Variants in CYB5R4 observed in about 807,000 individuals in gnomAD.
CYB5R4 encodes cytochrome b5 reductase 4.
Under a neutral mutation model 70.2 loss-of-function variants are expected in CYB5R4, and 55 were observed. That is an observed-to-expected ratio of 0.78 (90% CI 0.63 to 0.98). The LOEUF (loss-of-function observed/expected upper bound fraction) is 0.98. Among genes scored for constraint, CYB5R4 ranks in the 50% least tolerant of loss-of-function variants. The probability of loss-of-function intolerance (pLI) is 0.00; values close to 1 mark genes in which losing one functional copy is unlikely to be tolerated. For synonymous variants in CYB5R4, 197 were observed against 199.5 expected, an observed-to-expected ratio of 0.99 and a Z score of 0.11; for missense variants, 562 against 612.6, an observed-to-expected ratio of 0.92 and a Z score of 0.87.
intron 3 of CYB5R4, among the ~76,000 whole-genome samples, chr6:83,903,356 C>A (rs1033894862): frequency 2.0e-5 from 3 of 152,072 alleles, no homozygotes; most frequent in African/African-American, 7.2e-5. Flanking sequence ...ATCCCTGACT[C>A]CTTGGGATAA....
chr6:83,904,510 C>T (rs1014412135), intron 3 of CYB5R4, among the ~76,000 whole-genome samples: 2 of 152,118 alleles, frequency 1.3e-5, no homozygotes, highest in Admixed American at 6.5e-5. Flanking sequence ...ATTCTGCAAT[C>T]GTTGGATAAA....
intron 4 of CYB5R4, chr6:83,910,223 C>T: frequency 3.1e-6 from 4 of 1,299,372 alleles, no homozygotes; most frequent in South Asian, 1.4e-5. Context: ...GGAAGTTCAA[C>T]TTTTGTAAAG....
chr6:83,946,248 G>A (rs1311312532), intron 14 of CYB5R4, among the ~76,000 whole-genome samples: 1 of 152,140 alleles, frequency 6.6e-6, no homozygotes, highest in Non-Finnish European at 1.5e-5. Context: ...CTTTATCCCT[G>A]GGATGCAAGG....
chr6:83,872,920 G>A (rs1450128456), intron 2 of CYB5R4, among the ~76,000 whole-genome samples: 1 of 152,168 alleles, frequency 6.6e-6, no homozygotes, highest in East Asian at 1.9e-4. Context: ...AGAAGGGATT[G>A]GATGCTAGGG....
chr6:83,941,256 A>T (rs926888745), intron 14 of CYB5R4, among the ~76,000 whole-genome samples: 1 of 152,226 alleles, frequency 6.6e-6, no homozygotes, highest in Non-Finnish European at 1.5e-5. Flanking sequence ...AGCTCAGCCC[A>T]GTAAACTAAA....
At chr6:83,885,855 A>G (rs2099460175) in intron 2 of CYB5R4, among the ~76,000 whole-genome samples, 1 of 152,064 alleles carries the variant, frequency 6.6e-6, no homozygotes, top group Non-Finnish European at 1.5e-5. Flanking sequence ...AATATAGAAT[A>G]CTCTGTGACC....
intron 2 of CYB5R4, among the ~76,000 whole-genome samples, chr6:83,874,156 TTCCCC>T (rs1373868348): frequency 5.4e-3 from 69 of 12,846 alleles, no homozygotes; most frequent in African/African-American, 0.013. Context: ...CTCCCCTCCC[TTCCCC>T]TCCCCTCCCC....
At chr6:83,870,479 G>A (rs1325504552) in intron 2 of CYB5R4, among the ~76,000 whole-genome samples, 1 of 150,540 alleles carries the variant, frequency 6.6e-6, no homozygotes, top group African/African-American at 2.5e-5. Context: ...TAGCTCCTTG[G>A]TTCATTTCTG....
intron 1 of CYB5R4, among the ~76,000 whole-genome samples, chr6:83,863,315 G>C (rs1268928366): frequency 6.6e-6 from 1 of 151,990 alleles, no homozygotes; most frequent in Non-Finnish European, 1.5e-5. Flanking sequence ...TTGCTCAAGG[G>C]CTGTATAGAA....
At chr6:83,950,424 A>G (rs981730690) in intron 14 of CYB5R4, among the ~76,000 whole-genome samples, 4 of 152,242 alleles carry the variant, frequency 2.6e-5, no homozygotes, top group Admixed American at 2.6e-4. Flanking sequence ...TGATCAGTGT[A>G]TGAGGCTCAG....
rs1314253212 is a variant in CYB5R4, at chr6:83,962,480, A to T, written c.*2602A>T. On this transcript the variant is annotated 3_prime_UTR_variant, in exon 16 of 16. Coordinates refer to ENST00000369681, the MANE Select transcript of CYB5R4 (RefSeq NM_016230.4). Reference sequence around the variant, plus strand: ...ACGCTCAAAGTCACATTTGCTTGCAAATTCTGCTTTTTTTAAAAAAAAGTT... The same window carrying T: ...ACGCTCAAAGTCACATTTGCTTGCATATTCTGCTTTTTTTAAAAAAAAGTT... 1 of 152,226 alleles carries T rather than the reference A, an allele frequency of 6.6e-6. No individual in the cohort carries two copies. Among genetic ancestry groups the T allele is most frequent in the Non-Finnish European group, 1.5e-5 (1 of 68,038 alleles). The allele number at this position is 152,226 out of a possible 1,614,324, so 9.4% of individuals were successfully genotyped here. A position where few individuals can be genotyped will look rare whatever the true frequency, so the allele number is the denominator to read the frequency against.
At chr6:83,943,237 C>A (rs1335481407) in intron 14 of CYB5R4, among the ~76,000 whole-genome samples, 1 of 152,064 alleles carries the variant, frequency 6.6e-6, no homozygotes, top group Non-Finnish European at 1.5e-5. Context: ...TGGTGGGTGC[C>A]CTCTGGGATG....
At chr6:83,912,893 TG>T (rs891758502) in intron 4 of CYB5R4, among the ~76,000 whole-genome samples, 7 of 152,058 alleles carry the variant, frequency 4.6e-5, no homozygotes, top group African/African-American at 1.4e-4. Flanking sequence ...GACTTGGTGG[TG>T]GGGGGGAACT....
intron 3 of CYB5R4, among the ~76,000 whole-genome samples, chr6:83,897,356 A>C (rs1046690925): frequency 6.6e-6 from 1 of 152,244 alleles, no homozygotes; most frequent in African/African-American, 2.4e-5. Context: ...CACAATAAAC[A>C]TACATGTGCA....
chr6:83,955,035 C>T (rs1239111196), intron 14 of CYB5R4, among the ~76,000 whole-genome samples: 1 of 151,764 alleles, frequency 6.6e-6, no homozygotes, highest in African/African-American at 2.4e-5. Context: ...TGTGAGCTAC[C>T]ATGCTTGGAT....
chr6:83,944,019 A>G (rs2099470186), intron 14 of CYB5R4, among the ~76,000 whole-genome samples: 1 of 152,218 alleles, frequency 6.6e-6, no homozygotes, highest in South Asian at 2.1e-4. Context: ...ACTTCCGGAT[A>G]CTATCCAAGA....
At chr6:83,945,623 G>A (rs1043097583) in intron 14 of CYB5R4, among the ~76,000 whole-genome samples, 3 of 152,122 alleles carry the variant, frequency 2.0e-5, no homozygotes, top group Admixed American at 1.3e-4. Context: ...AAAAATCAAT[G>A]ACTCCAGGAG....
At chr6:83,876,200 G>C (rs1255198287) in intron 2 of CYB5R4, among the ~76,000 whole-genome samples, 1 of 152,134 alleles carries the variant, frequency 6.6e-6, no homozygotes, top group Non-Finnish European at 1.5e-5. Flanking sequence ...GCAACAGCCT[G>C]ATAGGTTTCA....
chr6:83,874,894 C>T (rs1156908913), intron 2 of CYB5R4, among the ~76,000 whole-genome samples: 1 of 151,852 alleles, frequency 6.6e-6, no homozygotes, highest in Non-Finnish European at 1.5e-5. Context: ...GCGATCTTGG[C>T]TCACTGCAAC....
Sources: gnomAD v4.1 joint callset for allele counts (sites outside exome capture counted in the v4.1 genomes callset) on GRCh38, gnomAD v4.1.1 for gene constraint, MANE v1.5 for transcripts, NCBI Gene and HGNC (gene_info 2026-07-23, HGNC 2026-07-21) for gene names.